The following AKAP12 variants were observed in gnomAD, a reference collection of about 807,000 sequenced individuals.
The protein encoded by AKAP12 is A-kinase anchor protein 12.
In AKAP12, 32 loss-of-function variants were observed where a neutral mutation model predicts 79.9. That is an observed-to-expected ratio of 0.40 (90% CI 0.30 to 0.54). AKAP12 has a LOEUF of 0.54. Ranked by LOEUF, AKAP12 falls within the 20% of genes least tolerant of loss-of-function variation. The pLI, the probability that AKAP12 is intolerant of heterozygous loss-of-function variation, is 0.48. For synonymous variants in AKAP12, 808 were observed against 857.0 expected (o/e 0.94, Z 1.00); for missense variants, 2,074 against 2,177.0 (o/e 0.95, Z 0.94).
chr6:151,263,438 A>G (rs555812269), intron 2 of AKAP12, among the ~76,000 whole-genome samples: 10 of 152,308 alleles, frequency 6.6e-5, no homozygotes, highest in African/African-American at 2.4e-4. Context: ...CTTTTCCACT[A>G]ACTCAGAACT....
At chr6:151,245,009 T>C (rs964858217) in intron 2 of AKAP12, among the ~76,000 whole-genome samples, 3 of 152,264 alleles carry the variant, frequency 2.0e-5, no homozygotes, top group African/African-American at 7.2e-5. Context: ...GACTAATTTC[T>C]ATGCCTTTAC....
rs1415392290 is a variant in AKAP12, at chr6:151,283,815, G to C, written c.163-21932G>C. 4.6e-5 allele frequency among the ~76,000 whole-genome samples: 7 copies of C among 152,244 alleles called. No individual in the cohort carries two copies. In the South Asian group the frequency reaches 8.3e-4, roughly 18 times the overall value. On this transcript the variant is annotated intron_variant, in intron 2 of 4. Coordinates refer to ENST00000402676, the MANE Select transcript of AKAP12 (RefSeq NM_005100.4). ...ACTGACATAACCAAACCTCAAATCC[G>C]GGAGTCATTCTTTTTCCGTTGGCAA...
Position 151,352,629 on chromosome 6 carries a change from A to G in AKAP12, c.4238A>G (p.Gln1413Arg), listed in dbSNP as rs1365255932. 3.7e-6 allele frequency: 6 copies of G among 1,614,098 alleles called. No individual in the cohort carries two copies. In the East Asian group the frequency reaches 8.9e-5, roughly 24 times the overall value. The change falls in exon 4 of 5, where the codon CAG becomes CGG. Residue 1413 changes from glutamine to arginine, a missense_variant. By Grantham distance (43) the Gln-to-Arg change is conservative (BLOSUM62 1). Transcript: ENST00000402676. Reference protein sequence around the residue: ...EEAVCTKIQVQSSEASFTLTA... With the variant: ...EEAVCTKIQVRSSEASFTLTA... ...GCAGTATGCACCAAAATTCAAGTTC[A>G]GAGCTCTGAGGCATCATTCACTCTA...
In AKAP12 at chr6:151,348,829, C is replaced by A. The variant is rs561437815; in HGVS notation, c.438C>A (p.Ile146=). 1.2e-6 allele frequency: 2 copies of A among 1,614,082 alleles called. No individual in the cohort carries two copies. Among genetic ancestry groups the A allele is most frequent in the Non-Finnish European group, 1.7e-6 (2 of 1,180,004 alleles). The change falls in exon 4 of 5, where the codon ATC becomes ATA. Residue 146 remains isoleucine (I), a synonymous_variant. Coordinates refer to ENST00000402676, the MANE Select transcript of AKAP12 (RefSeq NM_005100.4). ...GGCAGGAGGAGACACCCGAAATAAT[C>A]GAACAGATTCCTTCTTCAGAAAGCA... is the stretch of plus-strand genomic sequence containing the variant. ...DDGQEETPEI[I]EQIPSSESNL... is the part of the protein sequence containing the mutation.
intron 3 of AKAP12, among the ~76,000 whole-genome samples, chr6:151,321,117 G>T (rs58374917): frequency 0.039 from 5,899 of 152,064 alleles, 392 homozygotes; most frequent in African/African-American, 0.13. Flanking sequence ...CTCCCGAGTA[G>T]CTGGGATTAC....
intron 2 of AKAP12, among the ~76,000 whole-genome samples, chr6:151,248,947 A>G (rs1485387442): frequency 6.6e-6 from 1 of 151,976 alleles, no homozygotes; most frequent in East Asian, 1.9e-4. Flanking sequence ...AGACCGCATC[A>G]TTGCACTCCA....
chr6:151,261,741 ATTTATTT>A lies in AKAP12; in HGVS notation c.162+21018_162+21024del, dbSNP rs1797443063. 6.3e-3 allele frequency among the ~76,000 whole-genome samples: 199 copies of A among 31,480 alleles called. No individual in the cohort carries two copies. In the African/African-American group the frequency reaches 0.095, roughly 15 times the overall value. 20.7% of individuals were successfully genotyped at this position (31,480 alleles called of 152,430 possible). A position where few individuals can be genotyped will look rare whatever the true frequency, so the allele number is the denominator to read the frequency against. Reference sequence around the variant, plus strand: ...AACAGTGGTTTTTATTATTTTATTTATTTATTTATTTATTTATTTATTTATTTATTTA... The same window carrying A: ...AACAGTGGTTTTTATTATTTTATTTAATTTATTTATTTATTTATTTATTTA... On this transcript the variant is annotated intron_variant, in intron 2 of 4. Coordinates refer to ENST00000402676, the MANE Select transcript of AKAP12 (RefSeq NM_005100.4).
intron 3 of AKAP12, chr6:151,325,946 G>A: frequency 6.2e-7 from 1 of 1,613,130 alleles, no homozygotes; most frequent in South Asian, 1.1e-5. Context: ...GCACGAAAAG[G>A]GGCTTTCTTC....
intron 2 of AKAP12, among the ~76,000 whole-genome samples, chr6:151,244,929 G>A (rs557441557): frequency 2.6e-5 from 4 of 152,324 alleles, no homozygotes; most frequent in East Asian, 1.9e-4. Flanking sequence ...AATAAGATAA[G>A]TGGAGATTTT....
At chr6:151,242,225 C>G (rs1796992449) in intron 2 of AKAP12, among the ~76,000 whole-genome samples, 1 of 152,190 alleles carries the variant, frequency 6.6e-6, no homozygotes, top group South Asian at 2.1e-4. Flanking sequence ...ACATTCCCCC[C>G]ACCGCCCCGG....
intron 3 of AKAP12, among the ~76,000 whole-genome samples, chr6:151,326,488 G>GT (rs1777529004): frequency 1.1e-5 from 1 of 87,590 alleles, no homozygotes; most frequent in Non-Finnish European, 2.3e-5. Flanking sequence ...GCAACAAATA[G>GT]TAAAAAAAAA....
At chr6:151,341,487 CG>C (rs1164224448) in intron 3 of AKAP12, among the ~76,000 whole-genome samples, 2 of 152,164 alleles carry the variant, frequency 1.3e-5, no homozygotes, top group Non-Finnish European at 2.9e-5. Flanking sequence ...GCAGGACCCC[CG>C]GGGGTTTCCT....
At chr6:151,333,018 G>T (rs922224584) in intron 3 of AKAP12, among the ~76,000 whole-genome samples, 2 of 152,158 alleles carry the variant, frequency 1.3e-5, no homozygotes, top group Non-Finnish European at 2.9e-5. Flanking sequence ...ATCAGAGGAG[G>T]TTTTAGGGGC....
At chr6:151,303,941 G>A (rs1776919086) in intron 2 of AKAP12, among the ~76,000 whole-genome samples, 2 of 152,092 alleles carry the variant, frequency 1.3e-5, no homozygotes, top group Admixed American at 6.6e-5. Flanking sequence ...AGTTGGCTTC[G>A]GGCCATGATG....
intron 2 of AKAP12, among the ~76,000 whole-genome samples, chr6:151,261,369 T>TA (rs1304794719): frequency 9.4e-5 from 14 of 149,376 alleles, no homozygotes; most frequent in Middle Eastern, 3.5e-3. Context: ...AGACTCCATC[T>TA]AAAAAAAAAC....
chr6:151,278,675 T>C (rs915013472), intron 2 of AKAP12, among the ~76,000 whole-genome samples: 1 of 150,740 alleles, frequency 6.6e-6, no homozygotes, highest in Admixed American at 6.6e-5. Flanking sequence ...AGTGTCTAGT[T>C]TTTTTTTTTT....
At chr6:151,250,762 C>T (rs898980773) in intron 2 of AKAP12, among the ~76,000 whole-genome samples, 7 of 151,554 alleles carry the variant, frequency 4.6e-5, no homozygotes, top group African/African-American at 1.7e-4. Context: ...CCCGCCACCA[C>T]GCCCGGCTAA....
chr6:151,347,108 AG>A (rs1267887820), intron 3 of AKAP12, among the ~76,000 whole-genome samples: 3 of 152,222 alleles, frequency 2.0e-5, no homozygotes, highest in African/African-American at 7.2e-5. Flanking sequence ...TAAAATACAA[AG>A]GATCCATTAT....
At chr6:151,338,525 G>C (rs1777872324) in intron 3 of AKAP12, among the ~76,000 whole-genome samples, 1 of 151,530 alleles carries the variant, frequency 6.6e-6, no homozygotes, top group African/African-American at 2.4e-5. Flanking sequence ...GCGTGATCTG[G>C]GTTTACTGCA....
Sources: allele counts gnomAD v4.1 joint callset (sites outside exome capture counted in the v4.1 genomes callset), GRCh38; gene constraint gnomAD v4.1.1; transcripts MANE v1.5; gene names NCBI Gene and HGNC (gene_info 2026-07-23, HGNC 2026-07-21).